Variants in USP38 observed in about 807,000 individuals in gnomAD.
USP38 encodes the protein ubiquitin carboxyl-terminal hydrolase 38.
USP38 carries 49 observed loss-of-function variants against 94.3 expected under a neutral mutation model. That is an observed-to-expected ratio of 0.52 (90% CI 0.41 to 0.66). USP38 has a LOEUF of 0.66. USP38 is among the 30% of genes least tolerant of loss of function. The pLI, the probability that USP38 is intolerant of heterozygous loss-of-function variation, is 0.00. For missense variants in USP38, 1,128 were observed against 1,229.4 expected (o/e 0.92, Z 1.23); for synonymous variants, 468 against 463.6 (o/e 1.01, Z -0.12).
At chr4:143,211,469 A>G (rs11100781) in intron 7 of USP38, among the ~76,000 whole-genome samples, 109,583 of 152,000 alleles carry the variant, frequency 0.72, 39,900 homozygotes, top group East Asian at 0.83. Flanking sequence ...TCATGCAAGC[A>G]AGCAGCAGGG....
chr4:143,191,087 C>T (rs906388645), intron 2 of USP38, among the ~76,000 whole-genome samples: 1 of 152,080 alleles, frequency 6.6e-6, no homozygotes, highest in Non-Finnish European at 1.5e-5. Flanking sequence ...AGTAATTACT[C>T]TTATACAGAA....
At chr4:143,212,109 CCT>C (rs1385047819) in intron 7 of USP38, among the ~76,000 whole-genome samples, 20 of 152,148 alleles carry the variant, frequency 1.3e-4, no homozygotes. Flanking sequence ...TCTCAATTCT[CCT>C]CTGCAGAGTG....
chr4:143,213,581 G>C lies in USP38; in HGVS notation c.1605G>C (p.Arg535Ser), dbSNP rs1413474618. The change falls in exon 9 of 10, where the codon AGG becomes AGC. Residue 535 changes from arginine (R) to serine (S), a missense_variant and splice_region_variant. Transcript: ENST00000307017. ...CSEYLRFLLDRLHEEEKILKV... is the reference protein window; with the variant it reads ...CSEYLRFLLDSLHEEEKILKV... ...TATATAATGATATCCTCTGCTGCAG[G>C]CTCCATGAAGAAGAAAAGATCTTGA... The C allele has an allele frequency of 1.5e-5, 24 of 1,594,666 alleles. No homozygotes were observed. The highest frequency in any genetic ancestry group is 3.4e-6 in the Non-Finnish European group (4 of 1,173,050).
At chr4:143,211,519 T>C (rs11737209) in intron 7 of USP38, among the ~76,000 whole-genome samples, 90,639 of 151,928 alleles carry the variant, frequency 0.6, 27,219 homozygotes, top group East Asian at 0.82. Flanking sequence ...CCATGTTTAA[T>C]GTAGGCTAAA....
intron 2 of USP38, among the ~76,000 whole-genome samples, chr4:143,192,816 G>A (rs1156972444): frequency 2.0e-5 from 3 of 152,072 alleles, no homozygotes; most frequent in African/African-American, 7.2e-5. Flanking sequence ...TGTAACATCT[G>A]ATATGAAGTT....
chr4:143,220,161 G>A, intron 9 of USP38, 134 bp from the exon 10 acceptor site: 2 of 983,926 alleles, frequency 2.0e-6, no homozygotes, highest in South Asian at 5.4e-5. Flanking sequence ...TTTCTTAGGT[G>A]CTTTAGTTTC....
intron 2 of USP38, among the ~76,000 whole-genome samples, chr4:143,189,873 A>G (rs572340696): frequency 6.6e-6 from 1 of 151,848 alleles, no homozygotes; most frequent in East Asian, 1.9e-4. Flanking sequence ...TGTTCTTGAA[A>G]TTTTTGTCTC....
chr4:143,185,959 A>G lies in USP38; in HGVS notation c.509A>G (p.Gln170Arg). ...KGKLSITFCQQLVRTIGHFQC... is the reference protein window; with the variant it reads ...KGKLSITFCQRLVRTIGHFQC... ...AAATTGTCCATCACGTTCTGTCAACAGCTGGTTCGAACGATAGGCCATTTC... is the reference window on the plus strand; with the variant it reads ...AAATTGTCCATCACGTTCTGTCAACGGCTGGTTCGAACGATAGGCCATTTC... Residue 170 changes from glutamine to arginine, a missense_variant, in exon 1 of 10, where the codon CAG becomes CGG. By Grantham distance (43) the Gln-to-Arg change is conservative (BLOSUM62 1). Transcript: ENST00000307017. 1 of 1,614,184 alleles carries G rather than the reference A, an allele frequency of 6.2e-7. No individual in the cohort carries two copies. The highest frequency in any genetic ancestry group is 8.5e-7 in the Non-Finnish European group (1 of 1,180,034).
rs766102295 is a variant in USP38 at position 143,203,517 on chromosome 4, AT to A, written c.1162del (p.Tyr388IlefsTer15). 5 of 1,612,850 alleles carry A rather than the reference AT, an allele frequency of 3.1e-6. No individual in the cohort carries two copies. The highest frequency in any genetic ancestry group is 4.2e-6 in the Non-Finnish European group (5 of 1,179,514). ...LTELIHCMMY[H>X]YSGFPDLYEP... ...GAATTGATACACTGTATGATGTATCATTATTCTGGATTTCCAGATCTCTATG... is the reference window on the plus strand; with the variant it reads ...GAATTGATACACTGTATGATGTATCATATTCTGGATTTCCAGATCTCTATG... On this transcript the variant is annotated frameshift_variant, in exon 5 of 10. Transcript: ENST00000307017. LOFTEE classifies it high-confidence loss of function.
Position 143,209,630 on chromosome 4 carries a change from T to A in USP38, c.1470T>A (p.His490Gln). The A allele has an allele frequency of 6.2e-7, 1 of 1,609,330 alleles. No individual in the cohort carries two copies. The highest frequency in any genetic ancestry group is 1.1e-5 in the South Asian group (1 of 90,852). The change falls in exon 7 of 10, where the codon CAT becomes CAA. Residue 490 changes from histidine (H) to glutamine (Q), a missense_variant. Physicochemically the swap from His to Gln is conservative, Grantham distance 24. Transcript: ENST00000307017. ...GCNSLMKKLQHLFAFLAHTQR... is the reference protein window; with the variant it reads ...GCNSLMKKLQQLFAFLAHTQR... ...ATTCATTAATGAAAAAATTACAGCA[T>A]CTTTTTGCCTTTCTGGCCCATACAC...
chr4:143,215,019 A>G (rs1333726738), intron 9 of USP38, 76 bp downstream of exon 9: 2 of 1,365,108 alleles, frequency 1.5e-6, no homozygotes, highest in South Asian at 1.4e-5. Flanking sequence ...CCTCATTTTG[A>G]AATCTAACAT....
chr4:143,195,922 G>A lies in USP38; in HGVS notation c.948+77G>A, dbSNP rs1731533131. 37 of 1,311,598 alleles carry A rather than the reference G, an allele frequency of 2.8e-5. No homozygotes were observed. In the South Asian group the frequency reaches 6.3e-4, roughly 22 times the overall value. 81.2% of individuals were successfully genotyped at this position (1,311,598 alleles called of 1,614,324 possible). A position where few individuals can be genotyped will look rare whatever the true frequency, so the allele number is the denominator to read the frequency against. Reference sequence around the variant, plus strand: ...ATTTTTTTCTTTGGGTGGTATCCTTGAAAGCATCTAATTTTGAATATGTTA... The same window carrying A: ...ATTTTTTTCTTTGGGTGGTATCCTTAAAAGCATCTAATTTTGAATATGTTA... On this transcript the variant is annotated intron_variant, in intron 3 of 9. Coordinates refer to ENST00000307017, the MANE Select transcript of USP38 (RefSeq NM_032557.6).
Position 143,185,138 on chromosome 4 carries a change from C to T in USP38, c.-313C>T, listed in dbSNP as rs1369703075. 1 of 231,792 alleles carries T rather than the reference C, an allele frequency of 4.3e-6. No homozygotes were observed. The highest frequency in any genetic ancestry group is 8.3e-6 in the Non-Finnish European group (1 of 120,438). 14.4% of individuals were successfully genotyped at this position (231,792 alleles called of 1,614,324 possible). On this transcript the variant is annotated 5_prime_UTR_variant, in exon 1 of 10. Transcript: ENST00000307017. Reference sequence around the variant, plus strand: ...AGCTCCCGCCGACGCCGCTGGGGGGCCCGACAGGCCCCTCGGCGCTGATGC... The same window carrying T: ...AGCTCCCGCCGACGCCGCTGGGGGGTCCGACAGGCCCCTCGGCGCTGATGC...
intron 9 of USP38, among the ~76,000 whole-genome samples, chr4:143,215,855 G>A (rs1363340860): frequency 2.6e-5 from 4 of 152,018 alleles, no homozygotes; most frequent in Non-Finnish European, 5.9e-5. Flanking sequence ...GAAGTATAGC[G>A]ATGTTCTTGA....
Position 143,203,572 on chromosome 4 carries a change from A to T in USP38, c.1209+6A>T. 2 of 1,605,816 alleles carry T rather than the reference A, an allele frequency of 1.2e-6. No homozygotes were observed. The highest frequency in any genetic ancestry group is 1.1e-5 in the South Asian group (1 of 88,486). On this transcript the variant is annotated splice_donor_region_variant and intron_variant, in intron 5 of 9. Coordinates refer to ENST00000307017, the MANE Select transcript of USP38 (RefSeq NM_032557.6). ...CTATTCTGGAGGCAATAAAGGTATGATGATAGTTGTACCAATATTTGTGGA... is the reference window on the plus strand; with the variant it reads ...CTATTCTGGAGGCAATAAAGGTATGTTGATAGTTGTACCAATATTTGTGGA...
Position 143,213,867 on chromosome 4 carries a change from G to A in USP38, c.1891G>A (p.Val631Ile). The A allele has an allele frequency of 6.2e-7, 1 of 1,613,754 alleles. No individual in the cohort carries two copies. Among genetic ancestry groups the A allele is most frequent in the South Asian group, 1.1e-5 (1 of 91,084 alleles). Residue 631 changes from valine (V) to isoleucine (I), a missense_variant, in exon 9 of 10, where the codon GTC becomes ATC. Val to Ile is a conservative substitution (Grantham distance 29). Coordinates refer to ENST00000307017, the MANE Select transcript of USP38 (RefSeq NM_032557.6). ...TTCCTCTTCTTTGGAAAACATGTCT[G>A]TCCAAGATCCAGCATCATCACCCAG... ...CPSSSLENMSVQDPASSPSIQ... is the reference protein window; with the variant it reads ...CPSSSLENMSIQDPASSPSIQ...
chr4:143,212,528 C>A (rs1001628062), intron 8 of USP38, 104 bp downstream of exon 8: 1 of 561,446 alleles, frequency 1.8e-6, no homozygotes, highest in Admixed American at 3.8e-5. Context: ...AAATATTACT[C>A]TTTAAAATAC....
intron 2 of USP38, 118 bp downstream of exon 2, chr4:143,188,079 A>G (rs1253169002): frequency 4.2e-6 from 5 of 1,196,828 alleles, no homozygotes; most frequent in Admixed American, 2.7e-5. Flanking sequence ...GGAATGACAT[A>G]TGTAAAGATT....
chr4:143,192,828 A>G lies in USP38; in HGVS notation c.819-2888A>G, dbSNP rs541079088. On this transcript the variant is annotated intron_variant, in intron 2 of 9. Coordinates refer to ENST00000307017, the MANE Select transcript of USP38 (RefSeq NM_032557.6). ...TTGTGTAACATCTGATATGAAGTTT[A>G]TTTATAGGTGGTCAGGAGATTGGCA... is the stretch of plus-strand genomic sequence containing the variant. 5.3e-5 allele frequency among the ~76,000 whole-genome samples: 8 copies of G among 152,292 alleles called. 1 individual carries two copies. The East Asian group carries it at 1.4e-3, about 26-fold the overall frequency.
Sources: gnomAD v4.1 joint callset for allele counts (sites outside exome capture counted in the v4.1 genomes callset) on GRCh38, gnomAD v4.1.1 for gene constraint, MANE v1.5 for transcripts, NCBI Gene and HGNC (gene_info 2026-07-23, HGNC 2026-07-21) for gene names.